PEAK1: variants seen among roughly 807,000 people sequenced by gnomAD.
PEAK1 encodes the protein inactive tyrosine-protein kinase PEAK1.
PEAK1 carries 54 observed loss-of-function variants against 124.7 expected under a neutral mutation model. The observed-to-expected ratio is 0.43, with a 90% confidence interval of 0.35 to 0.54. The LOEUF is 0.54. Among genes scored for constraint, PEAK1 ranks in the 20% least tolerant of loss-of-function variants. The pLI, the probability that PEAK1 is intolerant of heterozygous loss-of-function variation, is 0.01. For missense variants in PEAK1, 2,046 were observed against 2,134.5 expected (o/e 0.96, Z 0.82); for synonymous variants, 719 against 760.0 (o/e 0.95, Z 0.89).
intron 8 of PEAK1, among the ~76,000 whole-genome samples, chr15:77,150,908 ATTG>A (rs2054568398): frequency 6.6e-6 from 1 of 152,094 alleles, no homozygotes; most frequent in East Asian, 1.9e-4. Flanking sequence ...AATCCAATCT[ATTG>A]TTGTTGGACA....
rs755472080 is a variant in PEAK1, at chr15:77,318,674, CTT to C, written c.-602-32172_-602-32171del. On this transcript the variant is annotated intron_variant, in intron 2 of 9. Transcript: ENST00000682557. ...TCATAAATTATAAATTAATGTATAA[CTT>C]ATAAAATATAATTTATAATTTATTA... Among the ~76,000 whole-genome samples, 37 of 151,710 alleles carry C rather than the reference CTT, an allele frequency of 2.4e-4. No homozygotes were observed. In the Middle Eastern group the frequency reaches 0.01, roughly 42 times the overall value.
chr15:77,349,534 TTC>T (rs563549110), intron 2 of PEAK1: 12,970 of 984,828 alleles, frequency 0.013, 94 homozygotes, highest in Non-Finnish European at 0.015. Context: ...CTTACTTTTA[TTC>T]TGTTTGTTCA....
chr15:77,249,703 G>C (rs1446878512), intron 6 of PEAK1, among the ~76,000 whole-genome samples: 1 of 152,044 alleles, frequency 6.6e-6, no homozygotes. Context: ...TATCAAATCT[G>C]TTTCTTGATA....
chr15:77,291,839 T>A (rs1382678934), intron 2 of PEAK1, among the ~76,000 whole-genome samples: 1 of 151,854 alleles, frequency 6.6e-6, no homozygotes, highest in African/African-American at 2.4e-5. Context: ...TAGCCCGGCA[T>A]GTTGGTGGGT....
At chr15:77,256,757 G>T (rs1596927398) in intron 5 of PEAK1, among the ~76,000 whole-genome samples, 1 of 151,586 alleles carries the variant, frequency 6.6e-6, no homozygotes, top group East Asian at 1.9e-4. Context: ...TTAATTTTCA[G>T]GGTACATGTG....
intron 2 of PEAK1, among the ~76,000 whole-genome samples, chr15:77,362,090 T>C (rs1284008000): frequency 6.6e-6 from 1 of 152,170 alleles, no homozygotes; most frequent in Non-Finnish European, 1.5e-5. Flanking sequence ...AGGAATACAT[T>C]CTAGTGTTCT....
At chr15:77,163,321 T>C (rs977553048) in intron 7 of PEAK1, among the ~76,000 whole-genome samples, 2 of 152,360 alleles carry the variant, frequency 1.3e-5, no homozygotes, top group African/African-American at 4.8e-5. Context: ...ACATGCAGAA[T>C]GAATATAAGG....
At chr15:77,125,735 T>C (rs1169103262) in intron 9 of PEAK1, among the ~76,000 whole-genome samples, 1 of 152,266 alleles carries the variant, frequency 6.6e-6, no homozygotes, top group Non-Finnish European at 1.5e-5. Context: ...TCCTCACATT[T>C]TGTACCTAGG....
chr15:77,218,797 C>T (rs1255414024), intron 6 of PEAK1, among the ~76,000 whole-genome samples: 3 of 151,978 alleles, frequency 2.0e-5, no homozygotes, highest in Admixed American at 2.0e-4. Context: ...ATTCACTAGA[C>T]CAGAAAGGCT....
At chr15:77,321,428 T>C (rs561853186) in intron 2 of PEAK1, among the ~76,000 whole-genome samples, 1 of 152,372 alleles carries the variant, frequency 6.6e-6, no homozygotes, top group South Asian at 2.1e-4. Context: ...GGGCATTTTT[T>C]CATGTGTCTT....
chr15:77,313,742 T>TA (rs760524195), intron 2 of PEAK1, among the ~76,000 whole-genome samples: 39 of 113,410 alleles, frequency 3.4e-4, no homozygotes, highest in South Asian at 1.0e-3. Flanking sequence ...ATATATATAT[T>TA]TATTTATTTA....
At chr15:77,414,670 C>A (rs1300851457) in intron 1 of PEAK1, among the ~76,000 whole-genome samples, 2 of 152,054 alleles carry the variant, frequency 1.3e-5, no homozygotes, top group African/African-American at 4.8e-5. Context: ...TGAAGGAGAA[C>A]AAAGGAAATA....
At chr15:77,347,184 C>G in intron 2 of PEAK1, 1 of 969,816 alleles carries the variant, frequency 1.0e-6, no homozygotes, top group Non-Finnish European at 1.2e-6. Flanking sequence ...ACAACGTTAA[C>G]AACGGCAGAA....
chr15:77,168,628 G>A (rs2056294717), intron 7 of PEAK1, among the ~76,000 whole-genome samples: 1 of 152,016 alleles, frequency 6.6e-6, no homozygotes, highest in South Asian at 2.1e-4. Flanking sequence ...ACTCTGGAGT[G>A]GATTAGGGGG....
chr15:77,338,367 C>T (rs1240910985), intron 2 of PEAK1, among the ~76,000 whole-genome samples: 2 of 152,116 alleles, frequency 1.3e-5, no homozygotes, highest in Non-Finnish European at 2.9e-5. Flanking sequence ...TTACCTCCAC[C>T]TTGAATTGCA....
At chr15:77,413,867 A>C (rs1270619065) in intron 1 of PEAK1, among the ~76,000 whole-genome samples, 1 of 152,206 alleles carries the variant, frequency 6.6e-6, no homozygotes, top group Non-Finnish European at 1.5e-5. Flanking sequence ...TCTGTTGCCC[A>C]GACTGGGGTG....
At chr15:77,302,355 T>C (rs1374313113) in intron 2 of PEAK1, among the ~76,000 whole-genome samples, 1 of 152,154 alleles carries the variant, frequency 6.6e-6, no homozygotes, top group Non-Finnish European at 1.5e-5. Flanking sequence ...GCTAAATGAG[T>C]TCATATCAAT....
At chr15:77,269,660 A>AAT (rs1282962367) in intron 5 of PEAK1, among the ~76,000 whole-genome samples, 17 of 152,212 alleles carry the variant, frequency 1.1e-4, no homozygotes, top group African/African-American at 3.9e-4. Flanking sequence ...CATTTACATA[A>AAT]CATTCTACCC....
chr15:77,352,673 A>C, intron 2 of PEAK1: 1 of 946,446 alleles, frequency 1.1e-6, no homozygotes, highest in Non-Finnish European at 1.3e-6. Context: ...TATGATATAG[A>C]GTATTAACCT....
Sources: gnomAD v4.1 joint callset for allele counts (sites outside exome capture counted in the v4.1 genomes callset) on GRCh38, gnomAD v4.1.1 for gene constraint, MANE v1.5 for transcripts, NCBI Gene and HGNC (gene_info 2026-07-23, HGNC 2026-07-21) for gene names.